The following GFPT1 variants were observed in gnomAD, a reference collection of about 807,000 sequenced individuals.
The protein encoded by GFPT1 is glutamine--fructose-6-phosphate transaminase 1, also known as glutamine--fructose-6-phosphate aminotransferase [isomerizing] 1.
GFPT1 carries 40 observed loss-of-function variants against 92.0 expected under a neutral mutation model. The ratio of observed to expected loss-of-function variants is 0.43; its 90% confidence interval spans 0.34 to 0.57. GFPT1 has a LOEUF of 0.57. GFPT1 is among the 20% of genes least tolerant of loss of function. The pLI is 0.02. For synonymous variants in GFPT1, 269 were observed against 280.6 expected (o/e 0.96, Z 0.41); for missense variants, 448 against 869.1 (o/e 0.52, Z 6.09).
intron 6 of GFPT1, among the ~76,000 whole-genome samples, chr2:69,357,642 T>C (rs1231384671): frequency 6.6e-6 from 1 of 152,170 alleles, no homozygotes; most frequent in East Asian, 1.9e-4. Context: ...GGCTGGACCG[T>C]ATTTGGGAAG....
intron 15 of GFPT1, among the ~76,000 whole-genome samples, chr2:69,335,323 A>G (rs1329044903): frequency 1.3e-5 from 2 of 152,190 alleles, no homozygotes; most frequent in Non-Finnish European, 2.9e-5. Context: ...TAAAATTTTT[A>G]AAACTCTGCT....
chr2:69,326,312 T>A, intron 19 of GFPT1, 79 bp from the exon 20 acceptor site: 1 of 841,418 alleles, frequency 1.2e-6, no homozygotes, highest in Non-Finnish European at 2.0e-6. Flanking sequence ...ATAAGCAAAT[T>A]ATTTTTGTTT....
At position 69,367,208 on chromosome 2, in the gene GFPT1, T is replaced by C. The variant is rs112123324; in HGVS notation, c.223+2793A>G. Among the ~76,000 whole-genome samples the C allele has an allele frequency of 4.1e-3, 619 of 152,342 alleles. 5 individuals are homozygous for C. The highest frequency in any genetic ancestry group is 0.014 in the African/African-American group (589 of 41,562). ...TATGTTAACATGAGACCATAAATGA[T>C]AGTACCGTTTTGTGTTTTTAAATGT... On this transcript the variant is annotated intron_variant, in intron 3 of 19. Coordinates refer to ENST00000357308, the MANE Select transcript of GFPT1 (RefSeq NM_001244710.2).
chr2:69,377,214 A>AC (rs1671893490), intron 1 of GFPT1, among the ~76,000 whole-genome samples: 1 of 151,394 alleles, frequency 6.6e-6, no homozygotes, highest in Non-Finnish European at 1.5e-5. Context: ...TCTCAAAAAA[A>AC]AAAAAAAAAA....
At chr2:69,380,462 T>G (rs1200491570) in intron 1 of GFPT1, among the ~76,000 whole-genome samples, 2 of 152,258 alleles carry the variant, frequency 1.3e-5, no homozygotes, top group Non-Finnish European at 2.9e-5. Context: ...TCTCCCCTAC[T>G]TTACTGTAAC....
At chr2:69,338,204 T>C in intron 14 of GFPT1, 149 bp from the exon 15 acceptor site, 2 of 820,034 alleles carry the variant, frequency 2.4e-6, no homozygotes, top group Non-Finnish European at 4.1e-6. Context: ...TATAAAACTT[T>C]AAGTAATATG....
intron 15 of GFPT1, among the ~76,000 whole-genome samples, chr2:69,336,975 T>C (rs930627549): frequency 2.6e-5 from 4 of 151,932 alleles, no homozygotes; most frequent in African/African-American, 9.7e-5. Context: ...ACAGTACCTT[T>C]AAACCTCCCC....
intron 1 of GFPT1, among the ~76,000 whole-genome samples, chr2:69,382,908 G>A (rs1672044120): frequency 1.3e-5 from 2 of 152,152 alleles, no homozygotes; most frequent in Admixed American, 1.3e-4. Context: ...AATGAACAAG[G>A]ACTGTGTATT....
intron 2 of GFPT1, among the ~76,000 whole-genome samples, 153 bp downstream of exon 2, chr2:69,373,853 A>G (rs1671808947): frequency 6.6e-6 from 1 of 152,196 alleles, no homozygotes; most frequent in African/African-American, 2.4e-5. Context: ...GATTACATAA[A>G]TAAATCCTTT....
chr2:69,338,112 C>T, intron 14 of GFPT1, 57 bp from the exon 15 acceptor site: 1 of 1,501,500 alleles, frequency 6.7e-7, no homozygotes, highest in Admixed American at 1.7e-5. Context: ...TATGCTGTTT[C>T]TTAGGAGCAA....
Position 69,324,791 on chromosome 2 carries a change from A to T in GFPT1, c.*1398T>A, listed in dbSNP as rs1414552149. 2 of 152,182 alleles carry T rather than the reference A, an allele frequency of 1.3e-5. No homozygotes were observed. Among genetic ancestry groups the T allele is most frequent in the African/African-American group, 4.8e-5 (2 of 41,448 alleles). 9.4% of individuals were successfully genotyped at this position (152,182 alleles called of 1,614,324 possible). A position where few individuals can be genotyped will look rare whatever the true frequency, so the allele number is the denominator to read the frequency against. ...AAAAGAAGGACTTCACCAAAAACAA[A>T]CACACTCTCCTATAGCCCTGAAGAT... On this transcript the variant is annotated 3_prime_UTR_variant, in exon 20 of 20. Transcript: ENST00000357308.
Position 69,321,579 on chromosome 2 carries a change from T to C in GFPT1, c.*4610A>G, listed in dbSNP as rs1670404774. 2 of 152,186 alleles carry C rather than the reference T, an allele frequency of 1.3e-5. No individual in the cohort carries two copies. The highest frequency in any genetic ancestry group is 4.1e-4 in the South Asian group (2 of 4,834). 9.4% of individuals were successfully genotyped at this position (152,186 alleles called of 1,614,324 possible). On this transcript the variant is annotated 3_prime_UTR_variant, in exon 20 of 20. Transcript: ENST00000357308. Reference sequence around the variant, plus strand: ...GGCTTACTCACTGGACTTAACGACATGAGGAAGAAATGACCAACTGGCTCA... The same window carrying C: ...GGCTTACTCACTGGACTTAACGACACGAGGAAGAAATGACCAACTGGCTCA...
chr2:69,358,212 G>A (rs1314660443), intron 6 of GFPT1, 117 bp downstream of exon 6: 2 of 804,624 alleles, frequency 2.5e-6, no homozygotes, highest in Admixed American at 2.2e-5. Context: ...ATAGTTATAT[G>A]AGAAATAAAA....
intron 5 of GFPT1, among the ~76,000 whole-genome samples, chr2:69,358,901 G>C (rs1476114974): frequency 6.6e-6 from 1 of 152,048 alleles, no homozygotes; most frequent in Non-Finnish European, 1.5e-5. Flanking sequence ...ACAGTATATA[G>C]CTATTTACGA....
At chr2:69,381,551 T>G (rs939356976) in intron 1 of GFPT1, among the ~76,000 whole-genome samples, 7 of 151,346 alleles carry the variant, frequency 4.6e-5, no homozygotes, top group Non-Finnish European at 8.8e-5. Flanking sequence ...CTCCCCTACT[T>G]GTAACTTTTT....
At chr2:69,355,991 T>C (rs1671327877) in intron 7 of GFPT1, among the ~76,000 whole-genome samples, 1 of 140,002 alleles carries the variant, frequency 7.1e-6, no homozygotes. Flanking sequence ...TTCTTTTTTT[T>C]TTTTTTTTTT....
intron 4 of GFPT1, among the ~76,000 whole-genome samples, chr2:69,361,130 T>C (rs1382396648): frequency 6.6e-6 from 1 of 152,042 alleles, no homozygotes; most frequent in Non-Finnish European, 1.5e-5. Context: ...TTTTTAGAGA[T>C]GATAGCAACC....
chr2:69,374,079 T>C lies in GFPT1; in HGVS notation c.42A>G (p.Arg14=). 6.3e-7 allele frequency: 1 copy of C among 1,594,028 alleles called. No homozygotes were observed. Among genetic ancestry groups the C allele is most frequent in the Non-Finnish European group, 8.6e-7 (1 of 1,162,682 alleles). Reference sequence around the variant, plus strand: ...GGGTCTCCAGGATTTCTCGTCTCGTTCGAGGAACATGGTAGTTTAAGTAAG... The same window carrying C: ...GGGTCTCCAGGATTTCTCGTCTCGTCCGAGGAACATGGTAGTTTAAGTAAG... ...IFAYLNYHVP[R]TRREILETLI... is the part of the protein sequence containing the mutation. The change falls in exon 2 of 20, where the codon CGA becomes CGG. Residue 14 remains arginine (R), a synonymous_variant. Transcript: ENST00000357308.
intron 15 of GFPT1, among the ~76,000 whole-genome samples, chr2:69,333,301 T>A (rs964071048): frequency 1.3e-5 from 2 of 152,246 alleles, no homozygotes; most frequent in African/African-American, 2.4e-5. Context: ...AAAATGTTAT[T>A]CTACAAACTA....
Sources: allele counts gnomAD v4.1 joint callset (sites outside exome capture counted in the v4.1 genomes callset), GRCh38; gene constraint gnomAD v4.1.1; transcripts MANE v1.5; gene names NCBI Gene and HGNC (gene_info 2026-07-23, HGNC 2026-07-21).